Variants in ZNF385D observed in about 807,000 individuals in gnomAD.
The protein encoded by ZNF385D is zinc finger protein 659.
A neutral mutation model predicts 35.8 loss-of-function variants in ZNF385D; 15 were observed. That is an observed-to-expected ratio of 0.42 (90% CI 0.28 to 0.64). The LOEUF (loss-of-function observed/expected upper bound fraction) is 0.64, where lower values mean the gene tolerates loss of function less well. Among genes scored for constraint, ZNF385D ranks in the 30% least tolerant of loss-of-function variants. ZNF385D has a pLI of 0.23. For missense variants in ZNF385D, 474 were observed against 494.6 expected, an observed-to-expected ratio of 0.96 and a Z score of 0.39; for synonymous variants, 212 against 186.8, an observed-to-expected ratio of 1.13 and a Z score of -1.10.
At chr3:21,777,828 A>AG (rs2071346575) in intron 3 of ZNF385D, 1 of 151,880 alleles carries the variant, frequency 6.6e-6, no homozygotes, top group Non-Finnish European at 1.5e-5. Context: ...CATCACGATG[A>AG]GAAAAACCTA....
At chr3:22,267,178 A>G (rs1261883809) in intron 2 of ZNF385D, among the ~76,000 whole-genome samples, 1 of 151,954 alleles carries the variant, frequency 6.6e-6, no homozygotes, top group Non-Finnish European at 1.5e-5. Context: ...TCAAACATCT[A>G]TGAGAAAGAG....
chr3:22,306,350 T>C (rs1339998224), intron 2 of ZNF385D, among the ~76,000 whole-genome samples: 1 of 152,082 alleles, frequency 6.6e-6, no homozygotes, highest in East Asian at 1.9e-4. Context: ...GTCTTTTTTT[T>C]TTCTTTCCCA....
intron 3 of ZNF385D, among the ~76,000 whole-genome samples, chr3:21,803,085 C>T (rs959728104): frequency 6.6e-6 from 1 of 152,116 alleles, no homozygotes; most frequent in Non-Finnish European, 1.5e-5. Context: ...GTTATTGTTA[C>T]CCCTCCCCGC....
chr3:22,150,053 A>G (rs1326425406), intron 3 of ZNF385D, among the ~76,000 whole-genome samples: 2 of 152,216 alleles, frequency 1.3e-5, no homozygotes, highest in East Asian at 1.9e-4. Flanking sequence ...TCGTAAGAAA[A>G]AGAGATTGCT....
At chr3:21,714,214 G>A (rs568856927) in intron 1 of ZNF385D, among the ~76,000 whole-genome samples, 9 of 151,030 alleles carry the variant, frequency 6.0e-5, no homozygotes, top group Non-Finnish European at 8.8e-5. Context: ...TGGGCCTTCC[G>A]GCAGACCTTC....
At chr3:22,314,750 C>T (rs1416606404) in intron 2 of ZNF385D, among the ~76,000 whole-genome samples, 1 of 152,030 alleles carries the variant, frequency 6.6e-6, no homozygotes, top group Non-Finnish European at 1.5e-5. Context: ...TTTGAGTAGA[C>T]CTAGAGCAGA....
chr3:22,033,217 C>T (rs967490286), intron 3 of ZNF385D, among the ~76,000 whole-genome samples: 3 of 151,800 alleles, frequency 2.0e-5, no homozygotes, highest in Non-Finnish European at 4.4e-5. Flanking sequence ...AACGGGACAA[C>T]ATGGTGGAAC....
At chr3:22,340,465 G>C (rs1287707857) in intron 2 of ZNF385D, among the ~76,000 whole-genome samples, 1 of 152,092 alleles carries the variant, frequency 6.6e-6, no homozygotes, top group Non-Finnish European at 1.5e-5. Context: ...GGCCAACATG[G>C]TGAAACCTTA....
chr3:21,921,222 CAA>C (rs11387962), intron 3 of ZNF385D, among the ~76,000 whole-genome samples: 6 of 68,964 alleles, frequency 8.7e-5, no homozygotes, highest in African/African-American at 2.2e-4. Flanking sequence ...GACTCCATCT[CAA>C]AAAAAAAAAA....
At chr3:21,505,581 C>T (rs898303974) in intron 4 of ZNF385D, among the ~76,000 whole-genome samples, 1 of 152,090 alleles carries the variant, frequency 6.6e-6, no homozygotes, top group African/African-American at 2.4e-5. Context: ...TCACTGACCA[C>T]CAGACATTGC....
At chr3:22,167,324 C>G (rs116025859) in intron 3 of ZNF385D, among the ~76,000 whole-genome samples, 1,595 of 152,312 alleles carry the variant, frequency 0.01, 14 homozygotes, top group African/African-American at 0.028. Flanking sequence ...ACAAATATAT[C>G]AGCATGTACT....
At chr3:21,441,762 A>G (rs186538592) in intron 4 of ZNF385D, 9 of 984,970 alleles carry the variant, frequency 9.1e-6, no homozygotes, top group African/African-American at 1.7e-5. Flanking sequence ...ATGAGAAAGT[A>G]GGAAAACGAT....
chr3:21,993,394 TTG>T (rs941278831), intron 3 of ZNF385D, among the ~76,000 whole-genome samples: 1 of 152,204 alleles, frequency 6.6e-6, no homozygotes, highest in Admixed American at 6.5e-5. Context: ...AAATTATTGA[TTG>T]TCTCTCTCTG....
At chr3:21,874,323 C>T (rs1037790849) in intron 3 of ZNF385D, among the ~76,000 whole-genome samples, 1 of 151,952 alleles carries the variant, frequency 6.6e-6, no homozygotes, top group Admixed American at 6.6e-5. Context: ...TAATCAAATC[C>T]TTTGCCCATT....
At chr3:21,645,459 C>A (rs953613735) in intron 2 of ZNF385D, among the ~76,000 whole-genome samples, 3 of 152,140 alleles carry the variant, frequency 2.0e-5, no homozygotes, top group African/African-American at 7.2e-5. Context: ...GGTGGGGGAT[C>A]TTAACTGCAT....
At chr3:22,134,584 T>C (rs113240360) in intron 3 of ZNF385D, among the ~76,000 whole-genome samples, 138 of 152,288 alleles carry the variant, frequency 9.1e-4, no homozygotes, top group African/African-American at 3.2e-3. Flanking sequence ...ATGGGACATT[T>C]ACTAAAAGAG....
At chr3:21,459,189 G>A (rs1252626547) in intron 4 of ZNF385D, 1 of 152,196 alleles carries the variant, frequency 6.6e-6, no homozygotes, top group African/African-American at 2.4e-5. Flanking sequence ...ATCCTGTTGA[G>A]AGTGTGAGCC....
At chr3:21,998,818 G>T (rs146704410) in intron 3 of ZNF385D, among the ~76,000 whole-genome samples, 1,832 of 152,206 alleles carry the variant, frequency 0.012, 33 homozygotes, top group African/African-American at 0.042. Context: ...AGACTGTCAA[G>T]GGAGTTTGTT....
At chr3:22,323,757 C>T (rs920575794) in intron 2 of ZNF385D, among the ~76,000 whole-genome samples, 5 of 152,224 alleles carry the variant, frequency 3.3e-5, no homozygotes, top group Middle Eastern at 3.4e-3. Flanking sequence ...ACGCAAAGTG[C>T]TAAGTGATGA....
Sources: gnomAD v4.1 joint callset for allele counts (sites outside exome capture counted in the v4.1 genomes callset) on GRCh38, gnomAD v4.1.1 for gene constraint, MANE v1.5 for transcripts, NCBI Gene and HGNC (gene_info 2026-07-23, HGNC 2026-07-21) for gene names.